CRYBG1: variants seen among roughly 807,000 people sequenced by gnomAD.
CRYBG1 encodes crystallin beta-gamma domain containing 1, also known as beta/gamma crystallin domain-containing protein 1.
In CRYBG1, 139 loss-of-function variants were observed where a neutral mutation model predicts 189.2. The ratio of observed to expected loss-of-function variants is 0.73; its 90% CI spans 0.64 to 0.85. The LOEUF is 0.85. CRYBG1 is among the 40% of genes least tolerant of loss of function. CRYBG1 has a pLI of 0.00. For missense variants in CRYBG1, 2,611 were observed against 2,675.8 expected, an observed-to-expected ratio of 0.98 and a Z score of 0.53; for synonymous variants, 1,023 against 1,017.1, an observed-to-expected ratio of 1.01 and a Z score of -0.11.
In CRYBG1 at chr6:106,519,279, A is replaced by G. The variant is rs755018697; in HGVS notation, c.2071A>G (p.Ser691Gly). 2 of 1,614,144 alleles carry G rather than the reference A, an allele frequency of 1.2e-6. No homozygotes were observed. Among genetic ancestry groups the G allele is most frequent in the East Asian group, 4.5e-5 (2 of 44,880 alleles). Residue 691 changes from serine to glycine, a missense_variant, in exon 4 of 22, where the codon AGT (serine) becomes GGT (glycine). Coordinates refer to ENST00000633556, the MANE Select transcript of CRYBG1 (RefSeq NM_001371242.2). ...CTTATTTGAAAACAAACGGACAAAC[A>G]GTAGCCCAAGACACACTGACATTCG... ...ISLFENKRTNSSPRHTDIRGQ... is the reference protein window; with the variant it reads ...ISLFENKRTNGSPRHTDIRGQ...
At chr6:106,415,670 G>A (rs902423586) in intron 1 of CRYBG1, among the ~76,000 whole-genome samples, 1 of 151,964 alleles carries the variant, frequency 6.6e-6, no homozygotes, top group Non-Finnish European at 1.5e-5. Context: ...AGGTTGCAGT[G>A]AGCCATGATC....
intron 21 of CRYBG1, among the ~76,000 whole-genome samples, chr6:106,564,770 G>A (rs1195936642): frequency 6.6e-6 from 1 of 152,284 alleles, no homozygotes; most frequent in Non-Finnish European, 1.5e-5. Flanking sequence ...CTATTGACAG[G>A]TGCAGATGGT....
intron 1 of CRYBG1, among the ~76,000 whole-genome samples, chr6:106,436,736 A>G (rs959951589): frequency 2.6e-5 from 4 of 152,216 alleles, no homozygotes; most frequent in Admixed American, 1.3e-4. Flanking sequence ...TTTTGTTATC[A>G]TAAATAATAT....
chr6:106,418,010 C>T (rs1277039181), intron 1 of CRYBG1, among the ~76,000 whole-genome samples: 1 of 152,264 alleles, frequency 6.6e-6, no homozygotes, highest in Admixed American at 6.5e-5. Context: ...GTCAGTGTGA[C>T]AGCCTTTCTG....
intron 2 of CRYBG1, among the ~76,000 whole-genome samples, chr6:106,500,783 T>C (rs1772990912): frequency 6.6e-6 from 1 of 152,220 alleles, no homozygotes; most frequent in Non-Finnish European, 1.5e-5. Context: ...GTATTGGGCA[T>C]TTTACAAACA....
At chr6:106,363,619 C>G (rs1193523715) in intron 1 of CRYBG1, among the ~76,000 whole-genome samples, 1 of 152,108 alleles carries the variant, frequency 6.6e-6, no homozygotes, top group African/African-American at 2.4e-5. Flanking sequence ...GCAGCACTCA[C>G]TGTGGTTTTT....
chr6:106,515,340 C>G (rs1773393579), intron 3 of CRYBG1, among the ~76,000 whole-genome samples: 1 of 152,192 alleles, frequency 6.6e-6, no homozygotes, highest in Admixed American at 6.5e-5. Flanking sequence ...GGTAGCACAA[C>G]TTAATAGCAC....
At chr6:106,485,821 C>T (rs1433431196) in intron 2 of CRYBG1, among the ~76,000 whole-genome samples, 2 of 152,166 alleles carry the variant, frequency 1.3e-5, no homozygotes, top group East Asian at 3.9e-4. Flanking sequence ...GATGAATCCA[C>T]TTGATCATAG....
chr6:106,363,239 G>A (rs1163200889), intron 1 of CRYBG1, among the ~76,000 whole-genome samples: 2 of 59,626 alleles, frequency 3.4e-5, no homozygotes, highest in African/African-American at 1.5e-4. Context: ...GCGAAACTCC[G>A]TCTCAAAAAA....
At chr6:106,564,045 C>T in intron 21 of CRYBG1, 119 bp downstream of exon 21, 1 of 1,048,552 alleles carries the variant, frequency 9.5e-7, no homozygotes, top group Non-Finnish European at 1.4e-6. Context: ...GTAAGAGAGC[C>T]CCTACTGTGT....
chr6:106,449,023 T>C (rs556163673), intron 1 of CRYBG1, among the ~76,000 whole-genome samples: 2 of 152,332 alleles, frequency 1.3e-5, no homozygotes, highest in South Asian at 2.1e-4. Flanking sequence ...TTTTGTTTTA[T>C]ATGTGATAAT....
rs1299480251 is a variant in CRYBG1, at chr6:106,571,920, G to C, written c.*3354G>C. On this transcript the variant is annotated 3_prime_UTR_variant, in exon 22 of 22. Transcript: ENST00000633556. The stretch of plus-strand genomic sequence containing the variant: ...CTAATCTGGAAAAATGTTTGAAAGG[G>C]ATGGCTAGAAAAAAATTTGGGCTCA... The C allele has an allele frequency of 6.7e-6, 6 of 899,022 alleles. No homozygotes were observed. Among genetic ancestry groups the C allele is most frequent in the Non-Finnish European group, 1.1e-5 (6 of 546,500 alleles). 55.7% of individuals were successfully genotyped at this position (899,022 alleles called of 1,614,324 possible). A position where few individuals can be genotyped will look rare whatever the true frequency, so the allele number is the denominator to read the frequency against.
intron 6 of CRYBG1, 70 bp downstream of exon 6, chr6:106,525,456 C>T: frequency 8.4e-7 from 1 of 1,186,886 alleles, no homozygotes; most frequent in Non-Finnish European, 1.3e-6. Flanking sequence ...CTTTTTAGTC[C>T]TCACTACTAG....
rs368433842 is a variant in CRYBG1, at chr6:106,504,289, A to G, written c.313-7141A>G. On this transcript the variant is annotated intron_variant, in intron 2 of 21. Transcript: ENST00000633556. Reference sequence around the variant, plus strand: ...AAGGATTATTGGTTATATCATATGAAATTGGACTGTAGATCAAAAATGGCC... The same window carrying G: ...AAGGATTATTGGTTATATCATATGAGATTGGACTGTAGATCAAAAATGGCC... 4.6e-5 allele frequency among the ~76,000 whole-genome samples: 7 copies of G among 152,246 alleles called. No homozygotes were observed. In the South Asian group the frequency reaches 1.2e-3, roughly 27 times the overall value.
chr6:106,465,504 C>G (rs928020260), intron 2 of CRYBG1, among the ~76,000 whole-genome samples: 3 of 152,198 alleles, frequency 2.0e-5, no homozygotes, highest in African/African-American at 4.8e-5. Flanking sequence ...GAGAGGAACT[C>G]AGGCTTGCAA....
At chr6:106,431,942 A>G (rs1002026954) in intron 1 of CRYBG1, among the ~76,000 whole-genome samples, 21 of 152,152 alleles carry the variant, frequency 1.4e-4, no homozygotes, top group African/African-American at 5.1e-4. Context: ...CTATGTTGAC[A>G]TGGAGGGGTT....
intron 1 of CRYBG1, among the ~76,000 whole-genome samples, chr6:106,394,078 C>G (rs1451824622): frequency 6.6e-6 from 1 of 152,140 alleles, no homozygotes; most frequent in African/African-American, 2.4e-5. Context: ...TTCAGTACAG[C>G]CTAGAATAGT....
intron 2 of CRYBG1, among the ~76,000 whole-genome samples, chr6:106,505,465 G>A (rs1294042990): frequency 6.6e-6 from 1 of 152,078 alleles, no homozygotes; most frequent in African/African-American, 2.4e-5. Flanking sequence ...CTGACCTTAA[G>A]TGATCCGCTG....
At chr6:106,419,693 G>T (rs1771089410) in intron 1 of CRYBG1, among the ~76,000 whole-genome samples, 1 of 152,152 alleles carries the variant, frequency 6.6e-6, no homozygotes. Context: ...CTCCTTACAA[G>T]TTTTTAAGTG....
Sources: gnomAD v4.1 joint callset for allele counts (sites outside exome capture counted in the v4.1 genomes callset) on GRCh38, gnomAD v4.1.1 for gene constraint, MANE v1.5 for transcripts, NCBI Gene and HGNC (gene_info 2026-07-23, HGNC 2026-07-21) for gene names.